Variants in SEC11A observed in about 807,000 individuals in gnomAD.
SEC11A encodes signal peptidase complex catalytic subunit SEC11A.
In SEC11A, 14 loss-of-function variants were observed where a neutral mutation model predicts 25.6. The observed-to-expected ratio is 0.55, with a 90% confidence interval of 0.36 to 0.85. SEC11A has a LOEUF of 0.85. SEC11A is among the 40% of genes least tolerant of loss of function. SEC11A has a pLI of 0.01. For synonymous variants in SEC11A, 83 were observed against 76.4 expected, an observed-to-expected ratio of 1.09 and a Z score of -0.45; for missense variants, 153 against 222.9, an observed-to-expected ratio of 0.69 and a Z score of 2.00.
intron 1 of SEC11A, among the ~76,000 whole-genome samples, chr15:84,701,522 G>A (rs1333708730): frequency 6.7e-6 from 1 of 149,338 alleles, no homozygotes; most frequent in Non-Finnish European, 1.5e-5. Context: ...TCCAGCCTGG[G>A]CAACAAAGCA....
At chr15:84,702,945 C>T (rs533320812) in intron 1 of SEC11A, among the ~76,000 whole-genome samples, 77 of 152,202 alleles carry the variant, frequency 5.1e-4, no homozygotes, top group Middle Eastern at 3.4e-3. Context: ...AGTAAGGTTC[C>T]GCAACAGGTC....
chr15:84,677,924 G>A lies in SEC11A; in HGVS notation c.431+2789C>T, dbSNP rs143155309. 6.3e-3 allele frequency among the ~76,000 whole-genome samples: 966 copies of A among 152,268 alleles called. 6 individuals are homozygous for A. Among genetic ancestry groups the A allele is most frequent in the Middle Eastern group, 0.024 (7 of 294 alleles). ...AAGAATCAAGACCCAGGCCAGATGT[G>A]GTGGCTCATGCCTGTGGTCCCAGCA... is the stretch of plus-strand genomic sequence containing the variant. On this transcript the variant is annotated intron_variant, in intron 4 of 5. Transcript: ENST00000268220.
intron 4 of SEC11A, among the ~76,000 whole-genome samples, chr15:84,676,875 G>A (rs1187474414): frequency 6.6e-6 from 1 of 151,680 alleles, no homozygotes; most frequent in East Asian, 1.9e-4. Context: ...AGGACTGCTT[G>A]AGCCCAGGAG....
In SEC11A at chr15:84,670,662, G is replaced by A. The variant is rs1328101366; in HGVS notation, c.489+63C>T. ...CCCAGAGTGCTGGGATTACAGGCTT[G>A]AGCCACTGTGCCTGGCCCAAAAGAT... On this transcript the variant is annotated intron_variant, in intron 5 of 5. Transcript: ENST00000268220. 7 of 809,000 alleles carry A rather than the reference G, an allele frequency of 8.7e-6. No homozygotes were observed. In the East Asian group the frequency reaches 1.7e-4, roughly 20 times the overall value. 50.1% of individuals were successfully genotyped at this position (809,000 alleles called of 1,614,324 possible). A position where few individuals can be genotyped will look rare whatever the true frequency, so the allele number is the denominator to read the frequency against.
intron 2 of SEC11A, among the ~76,000 whole-genome samples, chr15:84,691,157 C>T (rs1272756520): frequency 6.6e-6 from 1 of 151,122 alleles, no homozygotes; most frequent in Non-Finnish European, 1.5e-5. Flanking sequence ...CACTGCAGGC[C>T]TCAACCTCTA....
chr15:84,690,256 AG>A (rs964012076), intron 2 of SEC11A, among the ~76,000 whole-genome samples: 2 of 152,176 alleles, frequency 1.3e-5, no homozygotes, highest in African/African-American at 4.8e-5. Flanking sequence ...GGTTTTAAAA[AG>A]GGGAGTTCCC....
At chr15:84,714,294 G>C (rs536829032) in intron 1 of SEC11A, among the ~76,000 whole-genome samples, 1 of 152,156 alleles carries the variant, frequency 6.6e-6, no homozygotes, top group African/African-American at 2.4e-5. Context: ...GATTACAGGC[G>C]TGAGCCACCG....
intron 1 of SEC11A, among the ~76,000 whole-genome samples, chr15:84,694,146 G>A (rs546538416): frequency 2.4e-4 from 37 of 152,198 alleles, no homozygotes; most frequent in Non-Finnish European, 4.0e-4. Context: ...CTTGAGGCCA[G>A]AAGTAGGAGA....
chr15:84,683,396 C>A (rs1897328220), intron 3 of SEC11A, among the ~76,000 whole-genome samples: 1 of 151,130 alleles, frequency 6.6e-6, no homozygotes, highest in Non-Finnish European at 1.5e-5. Context: ...AACAAACAAA[C>A]AAACAAACAA....
intron 1 of SEC11A, among the ~76,000 whole-genome samples, chr15:84,694,530 A>G (rs1596077525): frequency 6.6e-6 from 1 of 152,208 alleles, no homozygotes; most frequent in African/African-American, 2.4e-5. Context: ...TGTAAAAAAA[A>G]GCAATATCCT....
At chr15:84,687,913 G>C (rs16974494) in intron 2 of SEC11A, 139 bp from the exon 3 acceptor site, 165,390 of 718,526 alleles carry the variant, frequency 0.23, 20,683 homozygotes, top group East Asian at 0.42. Flanking sequence ...ACAGAAATGT[G>C]TATTGTTCTC....
At chr15:84,690,132 T>G (rs898852794) in intron 2 of SEC11A, among the ~76,000 whole-genome samples, 1 of 152,070 alleles carries the variant, frequency 6.6e-6, no homozygotes, top group Non-Finnish European at 1.5e-5. Context: ...CACCCAAATC[T>G]CATCTTGAAT....
intron 4 of SEC11A, among the ~76,000 whole-genome samples, chr15:84,680,511 C>T (rs1057438606): frequency 6.6e-6 from 1 of 152,060 alleles, no homozygotes; most frequent in Admixed American, 6.6e-5. Flanking sequence ...TTATTGCACC[C>T]CACCCAGTTC....
chr15:84,687,880 T>A, intron 2 of SEC11A, 106 bp from the exon 3 acceptor site: 1 of 891,338 alleles, frequency 1.1e-6, no homozygotes, highest in Non-Finnish European at 1.7e-6. Context: ...GGGAGTATAC[T>A]CAATACCCTA....
chr15:84,714,110 C>T (rs1433329870), intron 1 of SEC11A, among the ~76,000 whole-genome samples: 1 of 151,734 alleles, frequency 6.6e-6, no homozygotes, highest in Non-Finnish European at 1.5e-5. Context: ...CAATCTCCAC[C>T]TCCCAGGCGA....
rs376219063 is a variant in SEC11A, at chr15:84,670,047, C to T, written c.512G>A (p.Gly171Asp). The T allele has an allele frequency of 6.2e-7, 1 of 1,613,228 alleles. No individual in the cohort carries two copies. Among genetic ancestry groups the T allele is most frequent in the Non-Finnish European group, 8.5e-7 (1 of 1,179,626 alleles). Residue 171 changes from glycine (G) to aspartate (D), a missense_variant, in exon 6 of 6, where the codon GGT becomes GAT. By Grantham distance (94) the Gly-to-Asp change is moderately conservative. Transcript: ENST00000268220. ...KFKYAVLFLL[G>D]LFVLVHRE ...CTCACGATGAACCAGCACGAATAAA[C>T]CCAGCAAAAAGAGAACTGCATACTA...
At chr15:84,707,181 CTTTTTT>C (rs35694643) in intron 1 of SEC11A, among the ~76,000 whole-genome samples, 2 of 91,662 alleles carry the variant, frequency 2.2e-5, no homozygotes, top group South Asian at 3.3e-4. Flanking sequence ...TTGTGTGAGA[CTTTTTT>C]TTTTTTTTTT....
At chr15:84,698,923 A>T (rs990824198) in intron 1 of SEC11A, among the ~76,000 whole-genome samples, 22 of 152,228 alleles carry the variant, frequency 1.4e-4, no homozygotes, top group Non-Finnish European at 3.1e-4. Context: ...CAGATACTCA[A>T]CCCGTACATA....
Position 84,687,783 on chromosome 15 carries a change from G to T in SEC11A, c.162-9C>A. The T allele has an allele frequency of 6.3e-7, 1 of 1,584,928 alleles. No individual in the cohort carries two copies. The highest frequency in any genetic ancestry group is 8.5e-7 in the Non-Finnish European group (1 of 1,172,388). On this transcript the variant is annotated splice_polypyrimidine_tract_variant and intron_variant, in intron 2 of 5. Coordinates refer to ENST00000268220, the MANE Select transcript of SEC11A (RefSeq NM_014300.4). ...CAGGTTCCATGCTGCCACTGGAAGG[G>T]AAAGAAGAATATAACAGCAAAAAGA...
Sources: gnomAD v4.1 joint callset for allele counts (sites outside exome capture counted in the v4.1 genomes callset) on GRCh38, gnomAD v4.1.1 for gene constraint, MANE v1.5 for transcripts, NCBI Gene and HGNC (gene_info 2026-07-23, HGNC 2026-07-21) for gene names.